Variants in PCDHA3 observed in about 807,000 individuals in gnomAD.
PCDHA3 encodes protocadherin alpha-3.
PCDHA3 carries 41 observed loss-of-function variants against 62.2 expected under a neutral mutation model. The observed-to-expected ratio is 0.66, with a 90% CI of 0.51 to 0.86. The LOEUF (loss-of-function observed/expected upper bound fraction) is 0.86. Among genes scored for constraint, PCDHA3 ranks in the 40% least tolerant of loss-of-function variants. The probability of loss-of-function intolerance (pLI) is 0.00; values close to 1 mark genes in which losing one functional copy is unlikely to be tolerated. For missense variants in PCDHA3, 1,304 were observed against 1,241.2 expected (o/e 1.05, Z -0.76); for synonymous variants, 640 against 555.4 (o/e 1.15, Z -2.14).
At chr5:140,915,290 C>G (rs1583944127) in intron 1 of PCDHA3, among the ~76,000 whole-genome samples, 1 of 152,254 alleles carries the variant, frequency 6.6e-6, no homozygotes, top group African/African-American at 2.4e-5. Flanking sequence ...ACTCTTTCTA[C>G]TTAAGATAAG....
At chr5:140,884,066 G>A in intron 1 of PCDHA3, 1 of 1,613,512 alleles carries the variant, frequency 6.2e-7, no homozygotes, top group South Asian at 1.1e-5. Flanking sequence ...GGTGGACGCC[G>A]ATTCGGGCTA....
chr5:140,856,884 C>T, intron 1 of PCDHA3: 1 of 1,596,124 alleles, frequency 6.3e-7, no homozygotes. Context: ...ATGATGTATT[C>T]ATTTAGCTCT....
chr5:140,871,729 G>C, intron 1 of PCDHA3: 1 of 714,516 alleles, frequency 1.4e-6, no homozygotes, highest in Admixed American at 3.4e-5. Context: ...TTAATATTTG[G>C]TTAGCAAATC....
Position 140,801,317 on chromosome 5 carries a change from G to C in PCDHA3, c.120G>C (p.Lys40Asn). 6.2e-7 allele frequency: 1 copy of C among 1,613,364 alleles called. No individual in the cohort carries two copies. Among genetic ancestry groups the C allele is most frequent in the Admixed American group, 1.7e-5 (1 of 60,028 alleles). ...QLHYSVSEEA[K>N]HGTFVGRIAQ... ...ACTACTCCGTCTCTGAGGAGGCCAA[G>C]CATGGCACCTTCGTGGGCCGCATCG... The change falls in exon 1 of 4, where the codon AAG (lysine) becomes AAC (asparagine). Residue 40 changes from lysine (K) to asparagine (N), a missense_variant. Transcript: ENST00000522353.
chr5:140,897,455 T>C (rs1376435296), intron 1 of PCDHA3, among the ~76,000 whole-genome samples: 1 of 151,682 alleles, frequency 6.6e-6, no homozygotes, highest in Non-Finnish European at 1.5e-5. Flanking sequence ...TTTTTGTCCT[T>C]GCGATAGTTT....
intron 1 of PCDHA3, among the ~76,000 whole-genome samples, chr5:140,895,167 T>G (rs1289758040): frequency 6.6e-6 from 1 of 152,186 alleles, no homozygotes; most frequent in African/African-American, 2.4e-5. Flanking sequence ...CAATCCAATC[T>G]ATTTGTAGTC....
intron 3 of PCDHA3, among the ~76,000 whole-genome samples, chr5:140,997,836 A>G (rs1335199291): frequency 3.3e-5 from 5 of 152,222 alleles, no homozygotes; most frequent in South Asian, 4.1e-4. Flanking sequence ...AAACAATACA[A>G]TATACATTCT....
chr5:141,010,327 G>A lies in PCDHA3; in HGVS notation c.*390G>A. 2 of 1,539,744 alleles carry A rather than the reference G, an allele frequency of 1.3e-6. No individual in the cohort carries two copies. Among genetic ancestry groups the A allele is most frequent in the African/African-American group, 2.8e-5 (2 of 72,602 alleles). ...AAAGTTTTGAGATTGAGCAGCTTGG[G>A]AGTTTGTGGCCACTGGGTATGTGTG... On this transcript the variant is annotated 3_prime_UTR_variant, in exon 4 of 4. Transcript: ENST00000522353.
chr5:140,884,440 G>C (rs1554181563), intron 1 of PCDHA3: 5 of 1,613,830 alleles, frequency 3.1e-6, no homozygotes, highest in Non-Finnish European at 2.5e-6. Context: ...TGCGGTGCTC[G>C]GCACCGCCCA....
At chr5:140,816,223 T>C (rs1252026344) in intron 1 of PCDHA3, 8 of 152,244 alleles carry the variant, frequency 5.3e-5, no homozygotes, top group African/African-American at 1.9e-4. Context: ...CTACTCTGTC[T>C]GGATAATTTC....
At chr5:140,833,383 A>G in intron 1 of PCDHA3, among the ~76,000 whole-genome samples, 1 of 152,336 alleles carries the variant, frequency 6.6e-6, no homozygotes, top group African/African-American at 2.4e-5. Context: ...AAAAAGGATG[A>G]AATACCTCAA....
At chr5:140,882,235 A>G (rs782339930) in intron 1 of PCDHA3, 9 of 1,580,864 alleles carry the variant, frequency 5.7e-6, no homozygotes, top group Admixed American at 1.8e-5. Flanking sequence ...CGTTGTATAT[A>G]TTGCAGATAG....
At chr5:140,968,841 A>G in intron 1 of PCDHA3, 1 of 1,614,222 alleles carries the variant, frequency 6.2e-7, no homozygotes, top group Middle Eastern at 1.6e-4. Context: ...CCTGACACTC[A>G]GAGGCATGTT....
chr5:141,002,555 A>C (rs1349538713), intron 3 of PCDHA3, among the ~76,000 whole-genome samples: 1 of 152,222 alleles, frequency 6.6e-6, no homozygotes, highest in Admixed American at 6.5e-5. Context: ...CCCAGGATCC[A>C]CCAGTTAGTG....
At chr5:140,841,406 G>C (rs2150314785) in intron 1 of PCDHA3, 3 of 1,613,082 alleles carry the variant, frequency 1.9e-6, no homozygotes, top group Non-Finnish European at 1.7e-6. Context: ...GGTGGGGAGC[G>C]GCCAGCTCCA....
At chr5:140,882,331 C>G (rs781801545) in intron 1 of PCDHA3, 3 of 1,614,214 alleles carry the variant, frequency 1.9e-6, no homozygotes, top group South Asian at 1.1e-5. Flanking sequence ...TTCTGATCCT[C>G]GCAGCCTGGG....
intron 1 of PCDHA3, chr5:140,803,939 C>A (rs1462764452): frequency 2.5e-6 from 1 of 397,924 alleles, no homozygotes; most frequent in Non-Finnish European, 4.5e-6. Flanking sequence ...TATCCCTATA[C>A]AATGCTTCTT....
At chr5:141,000,011 C>T (rs548995159) in intron 3 of PCDHA3, among the ~76,000 whole-genome samples, 1 of 152,166 alleles carries the variant, frequency 6.6e-6, no homozygotes, top group East Asian at 1.9e-4. Flanking sequence ...TTGGCCTCCC[C>T]ATTGCTAAGC....
chr5:140,882,050 T>A, intron 1 of PCDHA3: 1 of 756,750 alleles, frequency 1.3e-6, no homozygotes, highest in African/African-American at 1.8e-5. Flanking sequence ...GAGTCATACT[T>A]ACACTTACAC....
Sources: gnomAD v4.1 joint callset for allele counts (sites outside exome capture counted in the v4.1 genomes callset) on GRCh38, gnomAD v4.1.1 for gene constraint, MANE v1.5 for transcripts, NCBI Gene and HGNC (gene_info 2026-07-23, HGNC 2026-07-21) for gene names.